Variants in NEDD9 observed in about 807,000 individuals in gnomAD.
The protein encoded by NEDD9 is neural precursor cell expressed, developmentally down-regulated 9, also known as enhancer of filamentation 1.
In NEDD9, 26 loss-of-function variants were observed where a neutral mutation model predicts 76.6. The ratio of observed to expected loss-of-function variants is 0.34; its 90% CI spans 0.25 to 0.47. The LOEUF (loss-of-function observed/expected upper bound fraction) is 0.47, where lower values mean the gene tolerates loss of function less well. Ranked by LOEUF, NEDD9 falls within the 20% of genes least tolerant of loss-of-function variation. NEDD9 has a pLI of 1.00. For missense variants in NEDD9, 937 were observed against 1,058.5 expected, an observed-to-expected ratio of 0.89 and a Z score of 1.59; for synonymous variants, 392 against 414.2, an observed-to-expected ratio of 0.95 and a Z score of 0.65.
At chr6:11,192,225 T>G in intron 4 of NEDD9, 120 bp downstream of exon 4, 1 of 597,624 alleles carries the variant, frequency 1.7e-6, no homozygotes, top group South Asian at 2.6e-5. Context: ...TTTCCCCTTT[T>G]GGGTTTGCCT....
At chr6:11,318,627 C>A (rs556469748) in intron 2 of NEDD9, among the ~76,000 whole-genome samples, 95 of 152,238 alleles carry the variant, frequency 6.2e-4, no homozygotes, top group African/African-American at 2.2e-3. Context: ...GAAAGCTGAA[C>A]CCTCAATAAG....
intron 4 of NEDD9, among the ~76,000 whole-genome samples, chr6:11,191,617 GT>G (rs1391656416): frequency 1.3e-5 from 2 of 152,236 alleles, no homozygotes; most frequent in East Asian, 3.9e-4. Flanking sequence ...CCCCTTGTCT[GT>G]AAAGTAGGGA....
chr6:11,365,198 G>A (rs772813327), intron 1 of NEDD9, among the ~76,000 whole-genome samples: 56 of 152,128 alleles, frequency 3.7e-4, no homozygotes, highest in Non-Finnish European at 8.8e-5. Flanking sequence ...TACCTTTCAA[G>A]TGTTCTAGTT....
upstream of NEDD9, chr6:11,233,407 G>T (rs1291223101): frequency 1.9e-6 from 1 of 519,000 alleles, no homozygotes; most frequent in Non-Finnish European, 3.8e-6. Context: ...GAGGATAAAG[G>T]TTAGATGTGA....
Position 11,193,572 on chromosome 6 carries a change from A to G in NEDD9, c.561+19T>C. 5 of 1,586,994 alleles carry G rather than the reference A, an allele frequency of 3.2e-6. No individual in the cohort carries two copies. The highest frequency in any genetic ancestry group is 4.3e-6 in the Non-Finnish European group (5 of 1,156,304). On this transcript the variant is annotated intron_variant, in intron 3 of 6. Coordinates refer to ENST00000379446, the MANE Select transcript of NEDD9 (RefSeq NM_006403.4). ...CCTTAGAAGCGCTTCTCCTCTTGTG[A>G]CCATGTTCTGGTACGCACCCCTTGA...
At chr6:11,209,918 T>C (rs953969045) in intron 2 of NEDD9, among the ~76,000 whole-genome samples, 1 of 150,308 alleles carries the variant, frequency 6.7e-6, no homozygotes, top group South Asian at 2.1e-4. Flanking sequence ...TGGGTAGAGG[T>C]TGGAGTTTCC....
At chr6:11,287,949 T>C (rs1760685040) in intron 3 of NEDD9, among the ~76,000 whole-genome samples, 1 of 152,246 alleles carries the variant, frequency 6.6e-6, no homozygotes, top group Non-Finnish European at 1.5e-5. Context: ...ACAGCATTGA[T>C]ATCTTTGATG....
intron 1 of NEDD9, among the ~76,000 whole-genome samples, chr6:11,378,620 C>T (rs1763006844): frequency 6.6e-6 from 1 of 151,972 alleles, no homozygotes. Context: ...ATATGGATAC[C>T]TTATATATAC....
At chr6:11,314,418 G>A (rs184708427) in intron 2 of NEDD9, among the ~76,000 whole-genome samples, 1 of 152,272 alleles carries the variant, frequency 6.6e-6, no homozygotes, top group Admixed American at 6.5e-5. Flanking sequence ...TGGGGAGAAA[G>A]CTAGAAATAT....
intron 2 of NEDD9, among the ~76,000 whole-genome samples, chr6:11,321,995 C>T (rs899790112): frequency 7.2e-5 from 11 of 152,072 alleles, no homozygotes; most frequent in Admixed American, 1.3e-4. Flanking sequence ...ACTATGTAGC[C>T]GTAAAAATGA....
chr6:11,185,783 A>C, intron 6 of NEDD9, 112 bp from the exon 7 acceptor site: 1 of 1,275,116 alleles, frequency 7.8e-7, no homozygotes, highest in South Asian at 1.4e-5. Context: ...TAACTGTCAG[A>C]TGCATGTGAG....
chr6:11,225,800 CTTT>C (rs5874311), intron 1 of NEDD9, among the ~76,000 whole-genome samples: 17 of 135,156 alleles, frequency 1.3e-4, no homozygotes, highest in East Asian at 2.1e-4. Context: ...CGCGCCCGGC[CTTT>C]TTTTTTTTTT....
chr6:11,354,771 G>A (rs1214553638), intron 1 of NEDD9, among the ~76,000 whole-genome samples: 2 of 152,136 alleles, frequency 1.3e-5, no homozygotes, highest in African/African-American at 2.4e-5. Context: ...CATTGTCCTG[G>A]GGGCTGCAAC....
intron 3 of NEDD9, among the ~76,000 whole-genome samples, chr6:11,270,241 A>G (rs1760274882): frequency 6.6e-6 from 1 of 152,276 alleles, no homozygotes; most frequent in African/African-American, 2.4e-5. Flanking sequence ...TCAATTAGCA[A>G]GCAAAGCTAC....
chr6:11,203,204 C>T (rs1211778702), intron 2 of NEDD9, among the ~76,000 whole-genome samples: 1 of 152,184 alleles, frequency 6.6e-6, no homozygotes, highest in African/African-American at 2.4e-5. Context: ...ATGCCAAATA[C>T]AAGCCTGTGA....
chr6:11,318,934 A>T (rs761807002), intron 2 of NEDD9, among the ~76,000 whole-genome samples: 15 of 152,230 alleles, frequency 9.9e-5, no homozygotes, highest in Non-Finnish European at 1.8e-4. Flanking sequence ...TCCAGTTTAT[A>T]CCTAATTCAT....
intron 1 of NEDD9, among the ~76,000 whole-genome samples, chr6:11,350,744 ACAAGGC>A (rs1393641742): frequency 6.6e-6 from 1 of 152,146 alleles, no homozygotes; most frequent in Non-Finnish European, 1.5e-5. Context: ...AAGACACTGA[ACAAGGC>A]CCTGCCGCTG....
At chr6:11,263,483 G>A (rs2327390) in intron 3 of NEDD9, among the ~76,000 whole-genome samples, 1 of 151,874 alleles carries the variant, frequency 6.6e-6, no homozygotes, top group Admixed American at 6.5e-5. Flanking sequence ...AGGAGTGATC[G>A]TCTAGAATTC....
intron 1 of NEDD9, among the ~76,000 whole-genome samples, chr6:11,380,074 A>G (rs959971401): frequency 1.3e-5 from 2 of 152,196 alleles, no homozygotes; most frequent in African/African-American, 4.8e-5. Context: ...CCCTTTCTCC[A>G]AGCCAAATCC....
Sources: gnomAD v4.1 joint callset for allele counts (sites outside exome capture counted in the v4.1 genomes callset) on GRCh38, gnomAD v4.1.1 for gene constraint, MANE v1.5 for transcripts, NCBI Gene and HGNC (gene_info 2026-07-23, HGNC 2026-07-21) for gene names.